The following TAMM41 variants were observed in gnomAD, a reference collection of about 807,000 sequenced individuals.
The protein encoded by TAMM41 is TAM41 mitochondrial translocator assembly and maintenance homolog.
In TAMM41, 36 loss-of-function variants were observed where a neutral mutation model predicts 44.1. That is an observed-to-expected ratio of 0.82 (90% CI 0.63 to 1.08). The LOEUF (loss-of-function observed/expected upper bound fraction) is 1.08. Ranked by LOEUF, TAMM41 falls within the 50% of genes least tolerant of loss-of-function variation. The pLI is 0.00. For missense variants in TAMM41, 417 were observed against 404.3 expected, an observed-to-expected ratio of 1.03 and a Z score of -0.27; for synonymous variants, 164 against 153.1, an observed-to-expected ratio of 1.07 and a Z score of -0.53.
At chr3:11,799,493 A>C (rs1375694761) in intron 7 of TAMM41, among the ~76,000 whole-genome samples, 1 of 152,198 alleles carries the variant, frequency 6.6e-6, no homozygotes, top group African/African-American at 2.4e-5. Flanking sequence ...CCAGAGCATA[A>C]GGCCATTTAA....
At chr3:11,758,846 G>A in the TAMM41 span, among the ~76,000 whole-genome samples, 139 of 151,804 alleles carry the variant, frequency 9.2e-4, no homozygotes, top group African/African-American at 3.1e-3. Context: ...GCTAATTTTT[G>A]TATTTTTAGT....
At chr3:11,725,403 C>CTCT in the TAMM41 span, among the ~76,000 whole-genome samples, 170 of 129,540 alleles carry the variant, frequency 1.3e-3, 2 homozygotes, top group African/African-American at 4.1e-3. Context: ...TTTCTTCTTC[C>CTCT]TCTTCTTCTT....
the TAMM41 span, among the ~76,000 whole-genome samples, chr3:11,768,823 T>C: frequency 6.6e-6 from 1 of 152,156 alleles, no homozygotes; most frequent in African/African-American, 2.4e-5. Flanking sequence ...CGGTCGCAGA[T>C]GGTTATCTAC....
chr3:11,796,571 G>C (rs952578650), intron 7 of TAMM41, among the ~76,000 whole-genome samples: 2 of 152,062 alleles, frequency 1.3e-5, no homozygotes, highest in Admixed American at 6.5e-5. Context: ...CAGGGGAGGA[G>C]GGGTAATGGC....
At chr3:11,741,052 C>G in the TAMM41 span, among the ~76,000 whole-genome samples, 1 of 145,772 alleles carries the variant, frequency 6.9e-6, no homozygotes, top group South Asian at 2.1e-4. Flanking sequence ...AACCCCGCCT[C>G]TACTAAAAAT....
chr3:11,819,992 T>G (rs1313722206), intron 4 of TAMM41, among the ~76,000 whole-genome samples: 1 of 152,154 alleles, frequency 6.6e-6, no homozygotes, highest in Non-Finnish European at 1.5e-5. Context: ...CTCTCGGTAT[T>G]AGGGTAGTGA....
downstream of TAMM41, among the ~76,000 whole-genome samples, chr3:11,787,220 C>T (rs1325865464): frequency 6.6e-6 from 1 of 152,208 alleles, no homozygotes; most frequent in East Asian, 1.9e-4. Context: ...TAGAGCATCT[C>T]ATCTGTTATA....
chr3:11,843,712 G>A (rs1299326980), intron 2 of TAMM41: 21 of 223,800 alleles, frequency 9.4e-5, no homozygotes, highest in South Asian at 4.5e-4. Context: ...GCAAAACTCC[G>A]TCTCAAAAAA....
chr3:11,758,650 C>G, the TAMM41 span, among the ~76,000 whole-genome samples: 4 of 151,846 alleles, frequency 2.6e-5, no homozygotes, highest in African/African-American at 4.8e-5. Context: ...TGCACCCGGC[C>G]AGATCTGTGT....
intron 5 of TAMM41, among the ~76,000 whole-genome samples, chr3:11,812,118 G>A (rs1342216070): frequency 5.9e-5 from 9 of 152,074 alleles, no homozygotes; most frequent in Non-Finnish European, 1.0e-4. Flanking sequence ...AGTAGAGATG[G>A]GGTTTCACCA....
chr3:11,782,455 T>C, the TAMM41 span, among the ~76,000 whole-genome samples: 3 of 149,754 alleles, frequency 2.0e-5, no homozygotes, highest in African/African-American at 7.4e-5. Context: ...GCTAAGGTGG[T>C]AGGATGGCCT....
intron 2 of TAMM41, chr3:11,843,769 C>G: frequency 2.3e-6 from 1 of 437,646 alleles, no homozygotes; most frequent in Non-Finnish European, 4.0e-6. Context: ...CCTCCTCACA[C>G]TGCAATGACA....
chr3:11,807,700 T>C, intron 7 of TAMM41, 133 bp downstream of exon 7: 1 of 1,536,252 alleles, frequency 6.5e-7, no homozygotes, highest in Non-Finnish European at 8.7e-7. Flanking sequence ...CTTACTGCAA[T>C]ATCCCAGTTT....
At chr3:11,827,561 G>C (rs1211081375) in intron 4 of TAMM41, among the ~76,000 whole-genome samples, 1 of 148,486 alleles carries the variant, frequency 6.7e-6, no homozygotes, top group Non-Finnish European at 1.5e-5. Context: ...TGCCTGCCTT[G>C]GCCTCTCAAA....
chr3:11,841,447 T>C (rs1268125086), intron 2 of TAMM41, among the ~76,000 whole-genome samples: 1 of 152,124 alleles, frequency 6.6e-6, no homozygotes, highest in African/African-American at 2.4e-5. Flanking sequence ...CAAAGTCCCA[T>C]TTGCATAAAC....
chr3:11,776,504 T>C, the TAMM41 span, among the ~76,000 whole-genome samples: 22 of 152,256 alleles, frequency 1.4e-4, no homozygotes, highest in African/African-American at 5.3e-4. Context: ...TGCTCACCAC[T>C]GTGTTAACAA....
the TAMM41 span, among the ~76,000 whole-genome samples, chr3:11,779,942 A>G: frequency 6.6e-6 from 1 of 152,308 alleles, no homozygotes; most frequent in African/African-American, 2.4e-5. Flanking sequence ...CCTTCTCCAT[A>G]GTCAGTCATC....
the TAMM41 span, among the ~76,000 whole-genome samples, chr3:11,755,339 G>A: frequency 3.9e-5 from 6 of 152,202 alleles, no homozygotes; most frequent in Non-Finnish European, 8.8e-5. Flanking sequence ...AGGGACCCAG[G>A]AAGAAACTAA....
chr3:11,738,492 G>A, the TAMM41 span, among the ~76,000 whole-genome samples: 1 of 152,170 alleles, frequency 6.6e-6, no homozygotes, highest in Non-Finnish European at 1.5e-5. Context: ...TAATGTTTTT[G>A]CCTGGTTCAT....
Sources: allele counts gnomAD v4.1 joint callset (sites outside exome capture counted in the v4.1 genomes callset), GRCh38; gene constraint gnomAD v4.1.1; transcripts MANE v1.5; gene names NCBI Gene and HGNC (gene_info 2026-07-23, HGNC 2026-07-21).